CDKAL1: variants seen among roughly 807,000 people sequenced by gnomAD.
CDKAL1 encodes threonylcarbamoyladenosine tRNA methylthiotransferase.
A neutral mutation model predicts 68.2 loss-of-function variants in CDKAL1; 32 were observed. The observed-to-expected ratio is 0.47, with a 90% CI of 0.35 to 0.63. The LOEUF (loss-of-function observed/expected upper bound fraction) is 0.63. Among genes scored for constraint, CDKAL1 ranks in the 30% least tolerant of loss-of-function variants. The probability of loss-of-function intolerance (pLI) is 0.00; values close to 1 mark genes in which losing one functional copy is unlikely to be tolerated. For missense variants in CDKAL1, 606 were observed against 696.7 expected, an observed-to-expected ratio of 0.87 and a Z score of 1.47; for synonymous variants, 234 against 244.3, an observed-to-expected ratio of 0.96 and a Z score of 0.39.
At chr6:20,655,553 G>A (rs1271811117) in intron 5 of CDKAL1, among the ~76,000 whole-genome samples, 1 of 152,172 alleles carries the variant, frequency 6.6e-6, no homozygotes, top group Non-Finnish European at 1.5e-5. Flanking sequence ...TATTAGATCA[G>A]CAGCAGCATT....
intron 9 of CDKAL1, among the ~76,000 whole-genome samples, chr6:20,944,194 A>G (rs1471190951): frequency 6.6e-6 from 1 of 152,208 alleles, no homozygotes. Flanking sequence ...CATGTTGCTC[A>G]TCTCCTTTGT....
intron 12 of CDKAL1, among the ~76,000 whole-genome samples, chr6:21,069,497 G>A (rs938369290): frequency 6.6e-6 from 1 of 151,956 alleles, no homozygotes; most frequent in Non-Finnish European, 1.5e-5. Context: ...CCTGTAATAA[G>A]CTTTACTTGG....
At chr6:20,754,489 A>G (rs1774081961) in intron 6 of CDKAL1, among the ~76,000 whole-genome samples, 2 of 152,200 alleles carry the variant, frequency 1.3e-5, no homozygotes, top group African/African-American at 4.8e-5. Flanking sequence ...CTCTATACCC[A>G]TTAAGCAATA....
chr6:21,084,098 C>T (rs552963441), intron 12 of CDKAL1, among the ~76,000 whole-genome samples: 11 of 151,982 alleles, frequency 7.2e-5, no homozygotes, highest in African/African-American at 1.5e-4. Context: ...AAGAAAGAAA[C>T]GGGAGGCCTT....
At chr6:21,220,444 C>T (rs561438685) in intron 15 of CDKAL1, among the ~76,000 whole-genome samples, 1 of 152,274 alleles carries the variant, frequency 6.6e-6, no homozygotes, top group South Asian at 2.1e-4. Flanking sequence ...ATAAATGTAT[C>T]TCCAGCTAAG....
chr6:20,797,777 T>A (rs1776170787), intron 8 of CDKAL1, among the ~76,000 whole-genome samples: 1 of 140,296 alleles, frequency 7.1e-6, no homozygotes, highest in Non-Finnish European at 1.5e-5. Flanking sequence ...TTATTTTATT[T>A]TATTTTATTT....
intron 15 of CDKAL1, among the ~76,000 whole-genome samples, chr6:21,214,134 A>C (rs1368090348): frequency 6.6e-6 from 1 of 152,162 alleles, no homozygotes; most frequent in Non-Finnish European, 1.5e-5. Flanking sequence ...GCAAATTCAT[A>C]GAGACAAACT....
chr6:20,894,112 A>G (rs1761548843), intron 9 of CDKAL1, among the ~76,000 whole-genome samples: 1 of 152,216 alleles, frequency 6.6e-6, no homozygotes, highest in Non-Finnish European at 1.5e-5. Context: ...GTAGTTCATT[A>G]GCTTATTGAC....
At position 20,861,755 on chromosome 6, in the gene CDKAL1, G is replaced by A. The variant is rs913541093; in HGVS notation, c.742+15577G>A. On this transcript the variant is annotated intron_variant, in intron 9 of 15. Transcript: ENST00000274695. ...TTGTGTGCTGGGGCTTGTTCTTGTGGGATGTTGCTGGAGCCCTGAGCCGCC... is the reference window on the plus strand; with the variant it reads ...TTGTGTGCTGGGGCTTGTTCTTGTGAGATGTTGCTGGAGCCCTGAGCCGCC... 2.6e-5 allele frequency among the ~76,000 whole-genome samples: 4 copies of A among 152,264 alleles called. No homozygotes were observed. In the East Asian group the frequency reaches 7.7e-4, roughly 29 times the overall value.
At chr6:20,902,592 A>G (rs573487817) in intron 9 of CDKAL1, among the ~76,000 whole-genome samples, 386 of 152,312 alleles carry the variant, frequency 2.5e-3, no homozygotes, top group Non-Finnish European at 4.7e-3. Flanking sequence ...ATATATGGCT[A>G]TATCTGGAGT....
rs564297798 is a variant in CDKAL1, at chr6:21,050,208, T to C, written c.1056-14840T>C. On this transcript the variant is annotated intron_variant, in intron 11 of 15. Coordinates refer to ENST00000274695, the MANE Select transcript of CDKAL1 (RefSeq NM_017774.3). ...AGGCCATCTTTGATTATAAATATTATGTATAATTAATATGTTAGTTGTATT... is the reference window on the plus strand; with the variant it reads ...AGGCCATCTTTGATTATAAATATTACGTATAATTAATATGTTAGTTGTATT... Among the ~76,000 whole-genome samples the C allele has an allele frequency of 5.4e-4, 83 of 152,346 alleles. 3 individuals are homozygous for C. Among genetic ancestry groups the C allele is most frequent in the African/African-American group, 1.9e-3 (78 of 41,578 alleles).
Position 20,820,442 on chromosome 6 carries a change from G to A in CDKAL1, c.639-25633G>A, listed in dbSNP as rs967024172. ...ATATTATTCTGAATTTAAAGGTAAG[G>A]CAAATAACTATTAAGTAATTTATTT... On this transcript the variant is annotated intron_variant, in intron 8 of 15. Coordinates refer to ENST00000274695, the MANE Select transcript of CDKAL1 (RefSeq NM_017774.3). Among the ~76,000 whole-genome samples the A allele has an allele frequency of 2.5e-4, 38 of 152,072 alleles. 1 individual carries two copies. The highest frequency in any genetic ancestry group is 8.9e-4 in the African/African-American group (37 of 41,404).
At chr6:20,544,818 C>T (rs1305528420) in intron 2 of CDKAL1, among the ~76,000 whole-genome samples, 6 of 151,882 alleles carry the variant, frequency 4.0e-5, no homozygotes, top group South Asian at 2.1e-4. Flanking sequence ...CATTACTGGT[C>T]GGTTGGTTGG....
At chr6:20,678,683 C>T (rs971534044) in intron 5 of CDKAL1, among the ~76,000 whole-genome samples, 4 of 152,102 alleles carry the variant, frequency 2.6e-5, no homozygotes, top group South Asian at 4.1e-4. Flanking sequence ...CTATTGATGG[C>T]ATTAAGTGAG....
rs762250678 is a variant in CDKAL1, at chr6:20,781,227, G to A, written c.600G>A (p.Arg200=). 6.2e-7 allele frequency: 1 copy of A among 1,613,694 alleles called. No homozygotes were observed. The highest frequency in any genetic ancestry group is 1.7e-5 in the Admixed American group (1 of 59,920). The stretch of plus-strand genomic sequence containing the variant: ...CACGATTGGATTTGCCGAAGATTAG[G>A]AAGAATCCACTGATAGAAATCATTT... ...GGARLDLPKI[R]KNPLIEIISI... Residue 200 remains arginine, a synonymous_variant, in exon 8 of 16, where the codon AGG becomes AGA. Coordinates refer to ENST00000274695, the MANE Select transcript of CDKAL1 (RefSeq NM_017774.3).
At chr6:20,592,537 C>T (rs980994671) in intron 4 of CDKAL1, among the ~76,000 whole-genome samples, 2 of 146,652 alleles carry the variant, frequency 1.4e-5, no homozygotes, top group East Asian at 2.0e-4. Context: ...GGTGCAATTT[C>T]GGCCCACTGC....
At chr6:21,163,228 T>A (rs1032460397) in intron 13 of CDKAL1, among the ~76,000 whole-genome samples, 1 of 152,192 alleles carries the variant, frequency 6.6e-6, no homozygotes, top group African/African-American at 2.4e-5. Context: ...TTACTGCAGA[T>A]GTGGTGGTTG....
At chr6:20,813,208 A>G (rs1228830793) in intron 8 of CDKAL1, among the ~76,000 whole-genome samples, 5 of 152,126 alleles carry the variant, frequency 3.3e-5, no homozygotes, top group Non-Finnish European at 5.9e-5. Context: ...TGGCCTCCCA[A>G]AGTGCTAGAT....
chr6:20,603,620 C>T (rs1465897675), intron 4 of CDKAL1, among the ~76,000 whole-genome samples: 1 of 152,044 alleles, frequency 6.6e-6, no homozygotes, highest in Non-Finnish European at 1.5e-5. Flanking sequence ...CACTAAAGCC[C>T]CACAAAAGAC....
Sources: allele counts gnomAD v4.1 joint callset (sites outside exome capture counted in the v4.1 genomes callset), GRCh38; gene constraint gnomAD v4.1.1; transcripts MANE v1.5; gene names NCBI Gene and HGNC (gene_info 2026-07-23, HGNC 2026-07-21).